ATP13A4: variants seen among roughly 807,000 people sequenced by gnomAD.
ATP13A4 encodes the protein probable cation-transporting ATPase 13A4.
A neutral mutation model predicts 142.5 loss-of-function variants in ATP13A4; 114 were observed. The observed-to-expected ratio is 0.80, with a 90% CI of 0.69 to 0.93. The LOEUF (loss-of-function observed/expected upper bound fraction) is 0.93. ATP13A4 is among the 40% of genes least tolerant of loss of function. The pLI is 0.00. For missense variants in ATP13A4, 1,392 were observed against 1,454.0 expected (o/e 0.96, Z 0.69); for synonymous variants, 488 against 514.8 (o/e 0.95, Z 0.70).
intron 2 of ATP13A4, among the ~76,000 whole-genome samples, chr3:193,511,393 T>C (rs1290975900): frequency 1.3e-5 from 2 of 152,194 alleles, no homozygotes; most frequent in Non-Finnish European, 2.9e-5. Flanking sequence ...CGACTGAGTA[T>C]GGATGAGAGC....
At chr3:193,514,666 G>A in intron 2 of ATP13A4, 32 bp downstream of exon 2, 1 of 1,613,664 alleles carries the variant, frequency 6.2e-7, no homozygotes, top group African/African-American at 1.3e-5. Flanking sequence ...ACAAAAGGGG[G>A]GCACCAGCGA....
chr3:193,574,212 T>C (rs958373610), intron 2 of ATP13A4, among the ~76,000 whole-genome samples: 6 of 152,208 alleles, frequency 3.9e-5, no homozygotes, highest in Non-Finnish European at 1.5e-5. Context: ...AAGAAACAGA[T>C]AAGATGTCTG....
rs1560289028 is a variant in ATP13A4, at chr3:193,578,316, TATCTA to T, written n.291+3386_291+3390del. On this transcript the variant is annotated intron_variant and non_coding_transcript_variant, in intron 2 of 3. Coordinates refer to the ATP13A4 transcript ENST00000489140. ...TCAGAAATATCTATATCTATATCTA[TATCTA>T]TATCTATATCTATATCTATATCTAT... Among the ~76,000 whole-genome samples the T allele has an allele frequency of 1.3e-4, 19 of 151,498 alleles. No individual in the cohort carries two copies. In the East Asian group the frequency reaches 3.5e-3, roughly 28 times the overall value.
At chr3:193,478,123 A>G (rs548729958) in intron 8 of ATP13A4, among the ~76,000 whole-genome samples, 32 of 152,168 alleles carry the variant, frequency 2.1e-4, no homozygotes, top group African/African-American at 6.8e-4. Context: ...TAGGTTCAAC[A>G]CAATACCAAT....
intron 25 of ATP13A4, among the ~76,000 whole-genome samples, chr3:193,433,629 C>T (rs144086970): frequency 0.012 from 1,753 of 152,250 alleles, 15 homozygotes; most frequent in Middle Eastern, 0.065. Context: ...TTGCAGAAAA[C>T]AGCAAAATAA....
chr3:193,514,483 T>C lies in ATP13A4; in HGVS notation c.234+215A>G, dbSNP rs183879048. ...ACATTTTATTTATCCAGTCTATCAC[T>C]GATGGGCATTTAGGTTTGTTCCATG... On this transcript the variant is annotated intron_variant, in intron 2 of 29. Coordinates refer to ENST00000342695, the MANE Select transcript of ATP13A4 (RefSeq NM_032279.4). Among the ~76,000 whole-genome samples, 556 of 152,232 alleles carry C rather than the reference T, an allele frequency of 3.7e-3. 17 individuals are homozygous for C. The highest frequency in any genetic ancestry group is 0.034 in the Admixed American group (516 of 15,288).
intron 29 of ATP13A4, among the ~76,000 whole-genome samples, chr3:193,403,232 A>T (rs1714336494): frequency 1.3e-5 from 2 of 152,220 alleles, no homozygotes; most frequent in Admixed American, 1.3e-4. Context: ...ATAAAATGAC[A>T]TTAAAATTAC....
At chr3:193,450,137 A>G (rs1425648599) in intron 17 of ATP13A4, among the ~76,000 whole-genome samples, 1 of 151,954 alleles carries the variant, frequency 6.6e-6, no homozygotes. Context: ...AGAAAAGAAA[A>G]AGAAAAGGAA....
chr3:193,463,307 G>A (rs1718067946), intron 12 of ATP13A4, among the ~76,000 whole-genome samples: 1 of 151,922 alleles, frequency 6.6e-6, no homozygotes, highest in Non-Finnish European at 1.5e-5. Flanking sequence ...ATATAAAATG[G>A]GTGAGTCCTA....
At chr3:193,416,187 G>A (rs1715054181) in intron 25 of ATP13A4, among the ~76,000 whole-genome samples, 1 of 152,142 alleles carries the variant, frequency 6.6e-6, no homozygotes, top group Admixed American at 6.5e-5. Flanking sequence ...TCCAAAAAAA[G>A]CTTTGGAAAG....
chr3:193,459,326 T>C, intron 13 of ATP13A4, 95 bp from the exon 14 acceptor site: 1 of 1,465,080 alleles, frequency 6.8e-7, no homozygotes, highest in Non-Finnish European at 9.3e-7. Flanking sequence ...AAAAATAATT[T>C]AATATGCTTT....
chr3:193,399,065 G>A lies in ATP13A4; in HGVS notation c.*3587C>T, dbSNP rs1407005878. Among the ~76,000 whole-genome samples the A allele has an allele frequency of 1.3e-5, 2 of 152,156 alleles. No individual in the cohort carries two copies. The highest frequency in any genetic ancestry group is 4.8e-5 in the African/African-American group (2 of 41,424). On this transcript the variant is annotated 3_prime_UTR_variant, in exon 30 of 30. Transcript: ENST00000342695. ...AGTCATCACATCTGCAGGTGTGTAT[G>A]TGAACATTTCCATAAGCACATAAGG... is the stretch of plus-strand genomic sequence containing the variant.
intron 25 of ATP13A4, among the ~76,000 whole-genome samples, chr3:193,421,655 A>G (rs1428226883): frequency 6.7e-6 from 1 of 149,882 alleles, no homozygotes; most frequent in Non-Finnish European, 1.5e-5. Flanking sequence ...CGACACTAAA[A>G]TATAAATTGG....
chr3:193,446,297 C>A (rs1357441347), intron 18 of ATP13A4, among the ~76,000 whole-genome samples: 1 of 152,120 alleles, frequency 6.6e-6, no homozygotes, highest in East Asian at 1.9e-4. Flanking sequence ...ATTAAATAAA[C>A]AATAGGGAAA....
At chr3:193,407,517 T>C (rs931884894) in intron 28 of ATP13A4, 124 bp from the exon 29 acceptor site, 1 of 683,596 alleles carries the variant, frequency 1.5e-6, no homozygotes, top group Non-Finnish European at 2.6e-6. Flanking sequence ...TGTGTGTATA[T>C]TACATATATC....
intron 1 of ATP13A4, among the ~76,000 whole-genome samples, chr3:193,541,118 A>G (rs34631129): frequency 0.13 from 18,869 of 145,936 alleles, 996 homozygotes; most frequent in Non-Finnish European, 0.15. Context: ...GCGTGGTGGC[A>G]GGCGCCTGTA....
intron 21 of ATP13A4, among the ~76,000 whole-genome samples, chr3:193,439,790 T>C (rs1175271679): frequency 1.3e-5 from 2 of 152,222 alleles, no homozygotes; most frequent in Admixed American, 6.5e-5. Flanking sequence ...CACTGCCATA[T>C]GGAGGGAACT....
At chr3:193,488,301 A>G (rs1405421177) in intron 7 of ATP13A4, among the ~76,000 whole-genome samples, 3 of 152,214 alleles carry the variant, frequency 2.0e-5, no homozygotes, top group African/African-American at 7.2e-5. Flanking sequence ...AGTGCAGAAC[A>G]GTACACATAG....
intron 2 of ATP13A4, among the ~76,000 whole-genome samples, chr3:193,567,514 A>G (rs1185424473): frequency 1.3e-5 from 2 of 152,222 alleles, no homozygotes; most frequent in African/African-American, 2.4e-5. Context: ...GATGCAGTCC[A>G]TGGATACGAA....
Sources: allele counts gnomAD v4.1 joint callset (sites outside exome capture counted in the v4.1 genomes callset), GRCh38; gene constraint gnomAD v4.1.1; transcripts MANE v1.5; gene names NCBI Gene and HGNC (gene_info 2026-07-23, HGNC 2026-07-21).